The following NXPE4 variants were observed in gnomAD, a reference collection of about 807,000 sequenced individuals.
The protein encoded by NXPE4 is neurexophilin and PC-esterase domain family member 4.
In NXPE4, 42 loss-of-function variants were observed where a neutral mutation model predicts 33.3. The observed-to-expected ratio is 1.26, with a 90% confidence interval of 0.98 to 1.63. NXPE4 has a LOEUF of 1.63. Ranked by LOEUF, NXPE4 falls within the 40% of genes most tolerant of loss-of-function variation. The pLI, the probability that NXPE4 is intolerant of heterozygous loss-of-function variation, is 0.00. For missense variants in NXPE4, 709 were observed against 647.6 expected (o/e 1.09, Z -1.03); for synonymous variants, 253 against 234.9 (o/e 1.08, Z -0.71).
At chr11:114,637,213 A>T in the NXPE4 span, among the ~76,000 whole-genome samples, 4 of 151,932 alleles carry the variant, frequency 2.6e-5, no homozygotes, top group African/African-American at 9.6e-5. Context: ...TTTACCATTA[A>T]GTAATGGCCT....
At chr11:114,635,503 T>C in the NXPE4 span, among the ~76,000 whole-genome samples, 8 of 152,042 alleles carry the variant, frequency 5.3e-5, no homozygotes, top group South Asian at 2.1e-4. Flanking sequence ...AGCACTCTGA[T>C]GAATAGGAGT....
chr11:114,622,668 G>A, the NXPE4 span, among the ~76,000 whole-genome samples: 2 of 152,034 alleles, frequency 1.3e-5, no homozygotes, highest in Non-Finnish European at 2.9e-5. Flanking sequence ...GTTACCCGGT[G>A]GATAATAAAT....
rs754109857 is a variant in NXPE4, at chr11:114,594,701, G to T, written c.59C>A (p.Ser20Tyr). 51 of 1,604,010 alleles carry T rather than the reference G, an allele frequency of 3.2e-5. No homozygotes were observed. The highest frequency in any genetic ancestry group is 1.9e-4 in the Admixed American group (11 of 59,264). ...CTGGAAAACTGTAAAAATGATCCAG[G>T]AGGCTAATATAAACAACAGTGCCAA... ...SLLALLFILA[S>Y]WIIFTVFQNS... The change falls in exon 2 of 6, where the codon TCC (serine) becomes TAC (tyrosine). Residue 20 changes from serine to tyrosine, a missense_variant. Coordinates refer to ENST00000375478, the MANE Select transcript of NXPE4 (RefSeq NM_001077639.2).
the NXPE4 span, among the ~76,000 whole-genome samples, chr11:114,639,649 A>G: frequency 6.9e-6 from 1 of 143,922 alleles, no homozygotes. Flanking sequence ...TAATTTATTT[A>G]TATATAATTT....
chr11:114,631,764 A>G, the NXPE4 span, among the ~76,000 whole-genome samples: 1 of 151,840 alleles, frequency 6.6e-6, no homozygotes, highest in Non-Finnish European at 1.5e-5. Flanking sequence ...CCGGTGGATA[A>G]TAAGTATTGC....
the NXPE4 span, among the ~76,000 whole-genome samples, chr11:114,611,427 G>A: frequency 1.2e-4 from 18 of 151,648 alleles, no homozygotes; most frequent in Non-Finnish European, 2.9e-5. Context: ...ATTGCCTCTA[G>A]GGTAATCACT....
chr11:114,582,937 A>T lies in NXPE4; in HGVS notation c.181T>A (p.Ser61Thr), dbSNP rs183638687. The T allele has an allele frequency of 4.3e-6, 7 of 1,613,900 alleles. No homozygotes were observed. Among genetic ancestry groups the T allele is most frequent in the Non-Finnish European group, 5.9e-6 (7 of 1,180,026 alleles). ...KSLFPKTPLI[S>T]LKPLTETELR... is the part of the protein sequence containing the mutation. ...TCAGTCTCTGTTAGTGGCTTTAATG[A>T]TATCAGTGGTGTTTTAGGGAATAAG... Residue 61 changes from serine to threonine, a missense_variant, in exon 3 of 6, where the codon TCA becomes ACA. Coordinates refer to ENST00000375478, the MANE Select transcript of NXPE4 (RefSeq NM_001077639.2).
At position 114,571,031 on chromosome 11, in the gene NXPE4, C is replaced by G; in HGVS notation, c.1542G>C (p.Trp514Cys). 6.2e-7 allele frequency: 1 copy of G among 1,613,254 alleles called. No homozygotes were observed. Among genetic ancestry groups the G allele is most frequent in the Non-Finnish European group, 8.5e-7 (1 of 1,179,424 alleles). ...QDLSVSIIDA[W>C]DITIAYGTNN... ...TTGTGCCATATGCAATTGTTATATC[C>G]CAGGCATCAATGATACTCACACTGA... Residue 514 changes from tryptophan to cysteine, a missense_variant, in exon 6 of 6, where the codon TGG becomes TGC. Physicochemically the swap from Trp to Cys is radical, Grantham distance 215. Coordinates refer to ENST00000375478, the MANE Select transcript of NXPE4 (RefSeq NM_001077639.2).
At chr11:114,637,829 A>T in the NXPE4 span, among the ~76,000 whole-genome samples, 5 of 151,968 alleles carry the variant, frequency 3.3e-5, no homozygotes, top group Non-Finnish European at 7.4e-5. Context: ...CTGCCAAGAG[A>T]TCTGCTGTTA....
the NXPE4 span, among the ~76,000 whole-genome samples, chr11:114,636,532 C>T: frequency 1.3e-5 from 2 of 150,170 alleles, no homozygotes; most frequent in Non-Finnish European, 3.0e-5. Flanking sequence ...TCTTGCTTTT[C>T]TAGTTCTTTT....
At chr11:114,598,049 C>T (rs1949597601), upstream of NXPE4, among the ~76,000 whole-genome samples, 1 of 152,080 alleles carries the variant, frequency 6.6e-6, no homozygotes, top group South Asian at 2.1e-4. Flanking sequence ...TAGTTACTTC[C>T]AAGATACAAT....
At chr11:114,619,479 C>A in the NXPE4 span, among the ~76,000 whole-genome samples, 1 of 149,292 alleles carries the variant, frequency 6.7e-6, no homozygotes, top group Non-Finnish European at 1.5e-5. Flanking sequence ...ACCACTGTTA[C>A]CCAGTGGAGG....
At chr11:114,670,388 A>C in the NXPE4 span, among the ~76,000 whole-genome samples, 1 of 151,994 alleles carries the variant, frequency 6.6e-6, no homozygotes. Context: ...AAAATAGCCC[A>C]GCCCAATTAC....
At chr11:114,639,175 G>T in the NXPE4 span, among the ~76,000 whole-genome samples, 1 of 151,932 alleles carries the variant, frequency 6.6e-6, no homozygotes, top group African/African-American at 2.4e-5. Context: ...GCAATGGTGG[G>T]CACCCCTCCC....
upstream of NXPE4, among the ~76,000 whole-genome samples, chr11:114,598,301 G>C (rs981368011): frequency 9.9e-4 from 20 of 20,208 alleles, no homozygotes; most frequent in South Asian, 6.7e-3. Flanking sequence ...TGTGTTGAGT[G>C]CCTTTGGTTT....
Position 114,583,011 on chromosome 11 carries a change from G to A in NXPE4, c.107C>T (p.Ala36Val), listed in dbSNP as rs192697424. ...VFQNSTKVWS[A>V]LNLSISLHYW... ...ATGGAGGGAGATGGATAAGTTTAGA[G>A]CAGACCAAACCTGAAATGACAGCAA... The change falls in exon 3 of 6, where the codon GCT (alanine) becomes GTT (valine). Residue 36 changes from alanine to valine, a missense_variant. Ala to Val is a moderately conservative substitution (Grantham distance 64). Transcript: ENST00000375478. The A allele has an allele frequency of 1.2e-6, 2 of 1,609,738 alleles. No homozygotes were observed. The highest frequency in any genetic ancestry group is 1.1e-5 in the South Asian group (1 of 90,784).
chr11:114,651,732 C>G, the NXPE4 span, among the ~76,000 whole-genome samples: 1 of 152,140 alleles, frequency 6.6e-6, no homozygotes, highest in Non-Finnish European at 1.5e-5. Context: ...TAGTTACACA[C>G]AGAGCGCTGA....
the NXPE4 span, among the ~76,000 whole-genome samples, chr11:114,646,620 TAAC>T: frequency 6.6e-6 from 1 of 152,098 alleles, no homozygotes; most frequent in Non-Finnish European, 1.5e-5. Context: ...AGCATCAAAA[TAAC>T]AAGTATTTTT....
At chr11:114,592,007 G>A (rs879404770) in intron 2 of NXPE4, among the ~76,000 whole-genome samples, 3 of 151,984 alleles carry the variant, frequency 2.0e-5, no homozygotes, top group Non-Finnish European at 4.4e-5. Flanking sequence ...CAACAAATTA[G>A]GCATGGAAGA....
Sources: gnomAD v4.1 joint callset for allele counts (sites outside exome capture counted in the v4.1 genomes callset) on GRCh38, gnomAD v4.1.1 for gene constraint, MANE v1.5 for transcripts, NCBI Gene and HGNC (gene_info 2026-07-23, HGNC 2026-07-21) for gene names.